Variants in UNC93B1 observed in about 807,000 individuals in gnomAD.
UNC93B1 encodes the protein protein unc-93 homolog B1.
In UNC93B1, 33 loss-of-function variants were observed where a neutral mutation model predicts 56.8. That is an observed-to-expected ratio of 0.58 (90% confidence interval 0.44 to 0.78). The LOEUF is 0.78. Ranked by LOEUF, UNC93B1 falls within the 30% of genes least tolerant of loss-of-function variation. The probability of loss-of-function intolerance (pLI) is 0.00; values close to 1 mark genes in which losing one functional copy is unlikely to be tolerated. For missense variants in UNC93B1, 673 were observed against 819.5 expected, an observed-to-expected ratio of 0.82 and a Z score of 2.18; for synonymous variants, 334 against 358.6, an observed-to-expected ratio of 0.93 and a Z score of 0.77.
Position 68,003,905 on chromosome 11 carries a change from C to T in UNC93B1, c.96+43G>A, listed in dbSNP as rs1228834544. On this transcript the variant is annotated intron_variant, in intron 1 of 10. Transcript: ENST00000227471. This position sits in a 1 kb window ranked among gnomAD's most constrained non-coding sequence, Gnocchi z 4.4. Reference sequence around the variant, plus strand: ...CCGCCCCCGCCGGGGGGACCCTGGCCCACAGGGGACGCCCGCGCCTCGCAC... The same window carrying T: ...CCGCCCCCGCCGGGGGGACCCTGGCTCACAGGGGACGCCCGCGCCTCGCAC... 2 of 1,337,558 alleles carry T rather than the reference C, an allele frequency of 1.5e-6. No homozygotes were observed. Among genetic ancestry groups the T allele is most frequent in the East Asian group, 3.3e-5 (1 of 30,610 alleles). The allele number at this position is 1,337,558 out of a possible 1,614,324, so 82.9% of individuals were successfully genotyped here.
At chr11:67,994,262 CA>C (rs1195230516) in intron 9 of UNC93B1, among the ~76,000 whole-genome samples, 3 of 152,182 alleles carry the variant, frequency 2.0e-5, no homozygotes, top group Non-Finnish European at 4.4e-5. Context: ...GGGTGGGCAA[CA>C]AGAGTAATGG....
intron 6 of UNC93B1, 73 bp downstream of exon 6, chr11:67,998,286 G>T: frequency 6.5e-7 from 1 of 1,548,488 alleles, no homozygotes; most frequent in Non-Finnish European, 8.9e-7. Context: ...AATCCTGTGA[G>T]TGAGGGCCCA....
In UNC93B1 at chr11:67,997,796, G is replaced by C. The variant is rs369589225; in HGVS notation, c.785C>G (p.Thr262Ser). ...GCCGCTGAGGATCCCGTGGCTGTTG[G>C]TGCCTGGGAAGGGTGGGGGTGAGGG... is the stretch of plus-strand genomic sequence containing the variant. ...HTLYNVQSCG[T>S]NSHGILSGFN... The change falls in exon 7 of 11, where the codon ACC (threonine) becomes AGC (serine). Residue 262 changes from threonine (T) to serine (S), a missense_variant. Physicochemically the swap from Thr to Ser is moderately conservative, Grantham distance 58. Transcript: ENST00000227471. 22 of 1,607,242 alleles carry C rather than the reference G, an allele frequency of 1.4e-5. No individual in the cohort carries two copies. The highest frequency in any genetic ancestry group is 1.9e-5 in the Non-Finnish European group (22 of 1,179,392).
intron 3 of UNC93B1, 112 bp from the exon 4 acceptor site, chr11:67,999,792 G>A: frequency 7.2e-7 from 1 of 1,382,494 alleles, no homozygotes; most frequent in Non-Finnish European, 9.8e-7. Flanking sequence ...GTGAGGTAGA[G>A]AGAGTCGAGG....
chr11:67,994,530 C>A (rs1856902873), intron 9 of UNC93B1, among the ~76,000 whole-genome samples: 2 of 152,286 alleles, frequency 1.3e-5, no homozygotes, highest in South Asian at 4.1e-4. Context: ...TGACTTTACC[C>A]CCACAGTGCT....
rs1268042880 is a variant in UNC93B1 at position 67,992,784 on chromosome 11, C to T, written c.1482+892G>A. 3.3e-5 allele frequency among the ~76,000 whole-genome samples: 5 copies of T among 151,890 alleles called. No individual in the cohort carries two copies. In the East Asian group the frequency reaches 9.7e-4, roughly 29 times the overall value. ...GGTTCAAGCCATTCTTGTGCCTCAG[C>T]CTCCAGAGTAGCTGGGATCACAGGG... On this transcript the variant is annotated intron_variant, in intron 10 of 10. Coordinates refer to ENST00000227471, the MANE Select transcript of UNC93B1 (RefSeq NM_030930.4).
intron 3 of UNC93B1, among the ~76,000 whole-genome samples, chr11:68,002,265 A>G (rs923839374): frequency 6.6e-6 from 1 of 151,868 alleles, no homozygotes; most frequent in Non-Finnish European, 1.5e-5. Flanking sequence ...ATGTGAATGT[A>G]ATCCATGCAT....
rs1268534342 is a variant in UNC93B1, at chr11:68,003,619, G to A, written c.238+38C>T. On this transcript the variant is annotated intron_variant, in intron 2 of 10. Coordinates refer to ENST00000227471, the MANE Select transcript of UNC93B1 (RefSeq NM_030930.4). This position sits in a 1 kb window ranked among gnomAD's most constrained non-coding sequence, Gnocchi z 4.4. ...TTCTGTTTCCCGGGCCGGGCTGGGA[G>A]CGGGCGGGGCGGCCCCGGGTCCCCG... The A allele has an allele frequency of 6.7e-7, 1 of 1,498,176 alleles. No individual in the cohort carries two copies. The highest frequency in any genetic ancestry group is 2.1e-5 in the Admixed American group (1 of 47,968). 92.8% of individuals were successfully genotyped at this position (1,498,176 alleles called of 1,614,324 possible).
Position 68,004,097 on chromosome 11 carries a change from C to T in UNC93B1, c.-54G>A, listed in dbSNP as rs564367565. On this transcript the variant is annotated 5_prime_UTR_variant, in exon 1 of 11. Transcript: ENST00000227471. ...TCGCCCCGGAGTCCCTGCGACCGCCCGGCCACTTCCTCCCGGCGGCCGGGA... is the reference window on the plus strand; with the variant it reads ...TCGCCCCGGAGTCCCTGCGACCGCCTGGCCACTTCCTCCCGGCGGCCGGGA... 5 of 1,261,096 alleles carry T rather than the reference C, an allele frequency of 4.0e-6. No individual in the cohort carries two copies. Among genetic ancestry groups the T allele is most frequent in the East Asian group, 6.5e-5 (2 of 30,910 alleles). The allele number at this position is 1,261,096 out of a possible 1,614,324, so 78.1% of individuals were successfully genotyped here. A position where few individuals can be genotyped will look rare whatever the true frequency, so the allele number is the denominator to read the frequency against.
chr11:67,991,208 C>T lies in UNC93B1; in HGVS notation c.*338G>A, dbSNP rs1856832323. On this transcript the variant is annotated 3_prime_UTR_variant, in exon 11 of 11. Transcript: ENST00000227471. ...AGTGCGCTCACACGCGGCCCGGGTC[C>T]GCGGCCGAGAGCTGTGGGGATCTGG... 3.8e-6 allele frequency: 1 copy of T among 265,666 alleles called. No individual in the cohort carries two copies. Among genetic ancestry groups the T allele is most frequent in the African/African-American group, 2.2e-5 (1 of 45,222 alleles). The allele number at this position is 265,666 out of a possible 1,614,324, so 16.5% of individuals were successfully genotyped here.
chr11:67,998,529 G>T, intron 5 of UNC93B1, 77 bp from the exon 6 acceptor site: 2 of 1,462,356 alleles, frequency 1.4e-6, no homozygotes, highest in Non-Finnish European at 1.9e-6. Flanking sequence ...CTGGGGAGGG[G>T]TCCAGGCACA....
intron 7 of UNC93B1, 142 bp from the exon 8 acceptor site, chr11:67,996,926 A>T: frequency 1.9e-6 from 2 of 1,052,948 alleles, no homozygotes; most frequent in Non-Finnish European, 1.3e-6. Context: ...CGCCCCTGAG[A>T]CACTCCCACA....
In UNC93B1 at chr11:67,991,740, G is replaced by T. The variant is rs1856846640; in HGVS notation, c.1600C>A (p.His534Asn). Residue 534 changes from histidine to asparagine, a missense_variant, in exon 11 of 11, where the codon CAC becomes AAC. By Grantham distance (68) the His-to-Asn change is moderately conservative. Around this residue, in one of 3 missense-constraint regions of UNC93B1, gnomAD observed 155 missense variants for 268.3 expected, o/e 0.58. Transcript: ENST00000227471. The stretch of plus-strand genomic sequence containing the variant: ...AAGTAGCGGTAACCGCGCACCTTGT[G>T]CTGGGGCCGCGGGATGCGGGGCTGG... The part of the protein sequence containing the change: ...PRQPRIPRPQ[H>N]KVRGYRYLEE... 7.8e-6 allele frequency: 12 copies of T among 1,538,318 alleles called. No homozygotes were observed. Among genetic ancestry groups the T allele is most frequent in the Non-Finnish European group, 1.0e-5 (12 of 1,149,308 alleles).
rs774907876 is a variant in UNC93B1 at position 68,004,002 on chromosome 11, C to G, written c.42G>C (p.Ala14=). The G allele has an allele frequency of 7.1e-7, 1 of 1,403,558 alleles. No homozygotes were observed. Among genetic ancestry groups the G allele is most frequent in the Non-Finnish European group, 9.3e-7 (1 of 1,075,962 alleles). The allele number at this position is 1,403,558 out of a possible 1,614,324, so 86.9% of individuals were successfully genotyped here. The change falls in exon 1 of 11, where the codon GCG becomes GCC. Residue 14 remains alanine, a synonymous_variant. Coordinates refer to ENST00000227471, the MANE Select transcript of UNC93B1 (RefSeq NM_030930.4). ...EPPLYPMAGA[A]GPQGDEDLLG... is the part of the protein sequence containing the mutation. Reference sequence around the variant, plus strand: ...GCAGGTCCTCGTCGCCCTGCGGCCCCGCAGCCCCCGCCATCGGGTAGAGCG... The same window carrying G: ...GCAGGTCCTCGTCGCCCTGCGGCCCGGCAGCCCCCGCCATCGGGTAGAGCG...
At position 67,995,673 on chromosome 11, in the gene UNC93B1, A is replaced by G; in HGVS notation, c.1301T>C (p.Ile434Thr). 1 of 1,532,598 alleles carries G rather than the reference A, an allele frequency of 6.5e-7. No homozygotes were observed. Among genetic ancestry groups the G allele is most frequent in the Non-Finnish European group, 8.8e-7 (1 of 1,138,276 alleles). 94.9% of individuals were successfully genotyped at this position (1,532,598 alleles called of 1,614,324 possible). A position where few individuals can be genotyped will look rare whatever the true frequency, so the allele number is the denominator to read the frequency against. ...CCAAAGGGCAGCTGCCACATAGAGGATCCAGCTGTGTTGCAGGACCCGAGG... is the reference window on the plus strand; with the variant it reads ...CCAAAGGGCAGCTGCCACATAGAGGGTCCAGCTGTGTTGCAGGACCCGAGG... ...PVPRVLQHSW[I>T]LYVAAALWGV... The change falls in exon 9 of 11, where the codon ATC becomes ACC. Residue 434 changes from isoleucine (I) to threonine (T), a missense_variant. Ile to Thr is a moderately conservative substitution (Grantham distance 89). This residue lies in a region of UNC93B1 where 155 missense variants were observed against 268.3 expected (regional missense o/e 0.58). Transcript: ENST00000227471.
chr11:67,993,614 G>C, intron 10 of UNC93B1, 62 bp downstream of exon 10: 1 of 967,646 alleles, frequency 1.0e-6, no homozygotes, highest in Non-Finnish European at 1.6e-6. Context: ...TGTGAAGCCA[G>C]GGCAGGGGCT....
Position 68,003,036 on chromosome 11 carries a change from T to C in UNC93B1, c.378A>G (p.Thr126=), listed in dbSNP as rs546440995. Residue 126 remains threonine (T), a synonymous_variant, in exon 3 of 11, where the codon ACA becomes ACG. Transcript: ENST00000227471. This position sits in a 1 kb window ranked among gnomAD's most constrained non-coding sequence, Gnocchi z 4.4. ...GCCGCGCCCACCTGATGAGCACAGG[T>C]GTGTAGAGCAGGGCGGCGATGGGAG... ...NVTPIAALLY[T]PVLIRFFGTK... The C allele has an allele frequency of 1.9e-6, 3 of 1,611,046 alleles. No individual in the cohort carries two copies. Among genetic ancestry groups the C allele is most frequent in the African/African-American group, 2.7e-5 (2 of 74,626 alleles).
intron 7 of UNC93B1, among the ~76,000 whole-genome samples, chr11:67,997,219 A>T (rs1252277669): frequency 6.9e-6 from 1 of 145,012 alleles, no homozygotes; most frequent in Non-Finnish European, 1.5e-5. Context: ...CGCCTGACAC[A>T]GCCACGGACT....
At chr11:67,993,241 G>A (rs988325645) in intron 10 of UNC93B1, among the ~76,000 whole-genome samples, 14 of 151,372 alleles carry the variant, frequency 9.2e-5, no homozygotes, top group Non-Finnish European at 1.3e-4. Context: ...CACTCGCCTC[G>A]GCCTCCCAAA....
Sources: allele counts gnomAD v4.1 joint callset (sites outside exome capture counted in the v4.1 genomes callset), GRCh38; gene constraint gnomAD v4.1.1; regional missense constraint gnomAD v4.1.1; non-coding constraint Gnocchi (gnomAD v3.1); transcripts MANE v1.5; gene names NCBI Gene and HGNC (gene_info 2026-07-23, HGNC 2026-07-21).